LIPI: variants seen among roughly 807,000 people sequenced by gnomAD.
LIPI encodes the protein lipase member I.
LIPI carries 59 observed loss-of-function variants against 50.6 expected under a neutral mutation model. The ratio of observed to expected loss-of-function variants is 1.16; its 90% CI spans 0.94 to 1.45. The LOEUF is 1.45. Ranked by LOEUF, LIPI falls within the 40% of genes most tolerant of loss-of-function variation. LIPI has a pLI of 0.00. For synonymous variants in LIPI, 203 were observed against 178.2 expected, an observed-to-expected ratio of 1.14 and a Z score of -1.11; for missense variants, 586 against 536.3, an observed-to-expected ratio of 1.09 and a Z score of -0.92.
intron 4 of LIPI, among the ~76,000 whole-genome samples, chr21:14,173,172 C>G (rs2018980527): frequency 6.6e-6 from 1 of 152,160 alleles, no homozygotes; most frequent in Non-Finnish European, 1.5e-5. Context: ...GGCGAAGAAG[C>G]CAGCGTGGCT....
chr21:14,146,969 G>A (rs780202282), intron 8 of LIPI, among the ~76,000 whole-genome samples: 4 of 151,834 alleles, frequency 2.6e-5, no homozygotes, highest in Non-Finnish European at 4.4e-5. Context: ...ATTAGAGACA[G>A]GGTTTCACCA....
At chr21:14,181,437 TG>T (rs938477221) in intron 4 of LIPI, among the ~76,000 whole-genome samples, 12 of 152,020 alleles carry the variant, frequency 7.9e-5, no homozygotes, top group African/African-American at 2.9e-4. Context: ...ACATTAAACA[TG>T]GGGGAAAATG....
Position 14,166,740 on chromosome 21 carries a change from C to T in LIPI, c.644-289G>A, listed in dbSNP as rs552982407. On this transcript the variant is annotated intron_variant, in intron 4 of 9. Coordinates refer to ENST00000681601, the MANE Select transcript of LIPI (RefSeq NM_001302998.2). ...AAATAGAGAGGGCAGCCAAGATGGCCGAATAGGAAGAGCTCCAGTCTTCAG... is the reference window on the plus strand; with the variant it reads ...AAATAGAGAGGGCAGCCAAGATGGCTGAATAGGAAGAGCTCCAGTCTTCAG... Among the ~76,000 whole-genome samples the T allele has an allele frequency of 7.2e-5, 11 of 152,238 alleles. No homozygotes were observed. The South Asian group carries it at 8.3e-4, about 11-fold the overall frequency.
intron 4 of LIPI, among the ~76,000 whole-genome samples, chr21:14,180,908 C>T: frequency 6.6e-6 from 1 of 152,144 alleles, no homozygotes; most frequent in East Asian, 1.9e-4. Context: ...GCCCTTGTCT[C>T]TATCTTACCA....
intron 1 of LIPI, among the ~76,000 whole-genome samples, chr21:14,190,117 AT>A (rs2019620750): frequency 6.6e-6 from 1 of 152,084 alleles, no homozygotes; most frequent in African/African-American, 2.4e-5. Flanking sequence ...TCCTTATAGT[AT>A]TTTCATCCAT....
chr21:14,128,862 G>C (rs915383063), intron 9 of LIPI, among the ~76,000 whole-genome samples: 1 of 152,070 alleles, frequency 6.6e-6, no homozygotes. Flanking sequence ...ACTGTGATCA[G>C]AGCCTTCCTA....
intron 1 of LIPI, among the ~76,000 whole-genome samples, chr21:14,210,473 A>G (rs2123369109): frequency 6.6e-6 from 1 of 152,168 alleles, no homozygotes; most frequent in East Asian, 1.9e-4. Flanking sequence ...TTTAAATACC[A>G]AATTAATTTC....
At chr21:14,109,521 C>T (rs879574539) in intron 9 of LIPI, among the ~76,000 whole-genome samples, 6 of 151,928 alleles carry the variant, frequency 3.9e-5, no homozygotes, top group Non-Finnish European at 8.8e-5. Flanking sequence ...AATAATAAAT[C>T]CTAAAGTATT....
Position 14,185,845 on chromosome 21 carries a change from T to TG in LIPI, c.541+115dup, listed in dbSNP as rs570533951. On this transcript the variant is annotated intron_variant, in intron 3 of 9. Transcript: ENST00000681601. ...TTGCAGTGAGCCGAGATCGCACCAC[T>TG]GCACTGCAGCCTGGGCAACAGAGCG... 2.8e-4 allele frequency: 182 copies of TG among 647,984 alleles called. 5 individuals are homozygous for TG. The South Asian group carries it at 3.1e-3, about 11-fold the overall frequency. The allele number at this position is 647,984 out of a possible 1,614,324, so 40.1% of individuals were successfully genotyped here.
chr21:14,189,137 A>G lies in LIPI; in HGVS notation c.329T>C (p.Val110Ala). ...TGTAGCACCCCGGCTCCAGTCTACT[A>G]CAATTACATTCATATCTTCTTCATT... ...LLNEEDMNVI[V>A]VDWSRGATTF... The change falls in exon 2 of 10, where the codon GTA becomes GCA. Residue 110 changes from valine (V) to alanine (A), a missense_variant. By Grantham distance (64) the Val-to-Ala change is moderately conservative (BLOSUM62 0). Coordinates refer to ENST00000681601, the MANE Select transcript of LIPI (RefSeq NM_001302998.2). 3.7e-6 allele frequency: 6 copies of G among 1,614,052 alleles called. No homozygotes were observed. Among genetic ancestry groups the G allele is most frequent in the Non-Finnish European group, 5.1e-6 (6 of 1,180,014 alleles).
intron 9 of LIPI, among the ~76,000 whole-genome samples, chr21:14,112,632 C>T (rs1029359926): frequency 6.6e-6 from 1 of 151,438 alleles, no homozygotes; most frequent in African/African-American, 2.4e-5. Context: ...TTTTCAGATA[C>T]TTTGCTATAT....
chr21:14,129,896 T>C (rs924103965), intron 9 of LIPI, among the ~76,000 whole-genome samples: 8 of 151,416 alleles, frequency 5.3e-5, no homozygotes, highest in Middle Eastern at 3.2e-3. Context: ...TAGAAAAACA[T>C]ACATATGGTA....
At chr21:14,141,852 G>C (rs774597286) in intron 9 of LIPI, among the ~76,000 whole-genome samples, 2 of 152,154 alleles carry the variant, frequency 1.3e-5, no homozygotes, top group Non-Finnish European at 2.9e-5. Flanking sequence ...TTTACATTGT[G>C]TGCTGCCTCT....
At chr21:14,183,072 C>T (rs1485444773) in intron 3 of LIPI, among the ~76,000 whole-genome samples, 1 of 151,844 alleles carries the variant, frequency 6.6e-6, no homozygotes, top group Non-Finnish European at 1.5e-5. Flanking sequence ...TGACTTCAAA[C>T]TATGCTACAA....
chr21:14,144,880 G>C, intron 8 of LIPI, 81 bp from the exon 9 acceptor site: 1 of 966,090 alleles, frequency 1.0e-6, no homozygotes, highest in Non-Finnish European at 1.6e-6. Context: ...ATCCTAATAA[G>C]GGAGGCCACA....
chr21:14,173,337 G>T (rs2018986056), intron 4 of LIPI, among the ~76,000 whole-genome samples: 1 of 152,144 alleles, frequency 6.6e-6, no homozygotes, highest in Non-Finnish European at 1.5e-5. Flanking sequence ...TAACAACTAA[G>T]TTGCCTTGGC....
intron 4 of LIPI, among the ~76,000 whole-genome samples, chr21:14,170,843 T>C (rs1254266135): frequency 1.3e-5 from 2 of 151,430 alleles, no homozygotes; most frequent in Admixed American, 6.6e-5. Context: ...CTATTCAACA[T>C]AGTGTTGGAA....
intron 9 of LIPI, among the ~76,000 whole-genome samples, chr21:14,110,758 A>C (rs932684815): frequency 2.0e-5 from 3 of 151,746 alleles, no homozygotes; most frequent in African/African-American, 7.3e-5. Context: ...GGCTTATTAT[A>C]CTTAACATAA....
At chr21:14,129,621 G>GA (rs1387931329) in intron 9 of LIPI, among the ~76,000 whole-genome samples, 1 of 150,700 alleles carries the variant, frequency 6.6e-6, no homozygotes, top group Non-Finnish European at 1.5e-5. Flanking sequence ...TATAACTGCA[G>GA]AAAAAAATTA....
Sources: allele counts gnomAD v4.1 joint callset (sites outside exome capture counted in the v4.1 genomes callset), GRCh38; gene constraint gnomAD v4.1.1; transcripts MANE v1.5; gene names NCBI Gene and HGNC (gene_info 2026-07-23, HGNC 2026-07-21).